Variants in AHNAK observed in about 807,000 individuals in gnomAD.
The protein encoded by AHNAK is AHNAK nucleoprotein, also known as neuroblast differentiation-associated protein AHNAK.
AHNAK carries 23 observed loss-of-function variants against 37.8 expected under a neutral mutation model. The ratio of observed to expected loss-of-function variants is 0.61; its 90% confidence interval spans 0.44 to 0.86. The LOEUF is 0.86. AHNAK is among the 40% of genes least tolerant of loss of function. The probability of loss-of-function intolerance (pLI) is 0.00; values close to 1 mark genes in which losing one functional copy is unlikely to be tolerated. For synonymous variants in AHNAK, 2,481 were observed against 2,636.3 expected (o/e 0.94, Z 1.80); for missense variants, 7,411 against 7,319.4 (o/e 1.01, Z -0.46).
chr11:62,522,162 G>A lies in AHNAK; in HGVS notation c.12255C>T (p.Pro4085=). 1.9e-6 allele frequency: 3 copies of A among 1,613,348 alleles called. No individual in the cohort carries two copies. The highest frequency in any genetic ancestry group is 2.5e-6 in the Non-Finnish European group (3 of 1,179,882). The change falls in exon 5 of 5, where the codon CCC becomes CCT. Residue 4085 remains proline, a synonymous_variant. Transcript: ENST00000378024. ...GEGPEVDVNL[P]KADIDVSGPK... is the part of the protein sequence containing the mutation. ...GTCCTGAGACATCAATGTCAGCTTTGGGCAAATTAACATCCACTTCTGGGC... is the reference window on the plus strand; with the variant it reads ...GTCCTGAGACATCAATGTCAGCTTTAGGCAAATTAACATCCACTTCTGGGC...
At chr11:62,506,518 C>T (rs1310108993) in intron 4 of AHNAK, among the ~76,000 whole-genome samples, 1 of 152,050 alleles carries the variant, frequency 6.6e-6, no homozygotes, top group African/African-American at 2.4e-5. Context: ...AAAATTCCTC[C>T]CTGCAGCCCC....
chr11:62,449,275 C>G (rs891519030), intron 5 of AHNAK, among the ~76,000 whole-genome samples: 1 of 152,204 alleles, frequency 6.6e-6, no homozygotes, highest in Non-Finnish European at 1.5e-5. Context: ...TGGGGCCCTT[C>G]CAGCCTTCAC....
At chr11:62,439,096 T>TC (rs2134776075) in intron 5 of AHNAK, among the ~76,000 whole-genome samples, 1 of 141,850 alleles carries the variant, frequency 7.0e-6, no homozygotes, top group African/African-American at 2.6e-5. Flanking sequence ...CCTATTTTTT[T>TC]TTTTTTTTTT....
intron 5 of AHNAK, among the ~76,000 whole-genome samples, chr11:62,486,245 T>C (rs1254204336): frequency 6.6e-6 from 1 of 151,502 alleles, no homozygotes; most frequent in African/African-American, 2.4e-5. Context: ...GAGGCCGAGG[T>C]GGGTGGATCA....
chr11:62,486,688 T>C (rs1404945620), intron 5 of AHNAK, among the ~76,000 whole-genome samples: 1 of 152,010 alleles, frequency 6.6e-6, no homozygotes, highest in African/African-American at 2.4e-5. Flanking sequence ...AGATGTACTG[T>C]ATACCACTGA....
At chr11:62,446,631 G>T (rs1255380718) in intron 5 of AHNAK, among the ~76,000 whole-genome samples, 4 of 152,000 alleles carry the variant, frequency 2.6e-5, no homozygotes, top group African/African-American at 9.7e-5. Context: ...AAATGAGGGG[G>T]ATCTGTCCTG....
chr11:62,490,994 G>A (rs951867119), intron 5 of AHNAK, among the ~76,000 whole-genome samples: 2 of 152,020 alleles, frequency 1.3e-5, no homozygotes, highest in Non-Finnish European at 2.9e-5. Flanking sequence ...CACTATGTTG[G>A]CTAGGCTGGT....
At chr11:62,461,143 C>CA (rs750135297) in intron 5 of AHNAK, among the ~76,000 whole-genome samples, 2 of 79,838 alleles carry the variant, frequency 2.5e-5, no homozygotes, top group Non-Finnish European at 4.5e-5. Context: ...CCAAATTCCC[C>CA]TTTTTTTTTT....
rs757794377 is a variant in AHNAK at position 62,519,847 on chromosome 11, T to C, written c.14570A>G (p.Asp4857Gly). 2.5e-6 allele frequency: 4 copies of C among 1,614,194 alleles called. No homozygotes were observed. The highest frequency in any genetic ancestry group is 3.4e-6 in the Non-Finnish European group (4 of 1,180,034). Residue 4857 changes from aspartate (D) to glycine (G), a missense_variant, in exon 5 of 5, where the codon GAT becomes GGT. Asp to Gly is a moderately conservative substitution (Grantham distance 94). Coordinates refer to ENST00000378024, the MANE Select transcript of AHNAK (RefSeq NM_001620.3). ...PKISIPDVDLDLKGPKVKGDF... is the reference protein window; with the variant it reads ...PKISIPDVDLGLKGPKVKGDF... ...TCCTTTTACTTTGGGTCCTTTCAAA[T>C]CCAGGTCAACATCAGGTATGGAGAT...
intron 5 of AHNAK, among the ~76,000 whole-genome samples, chr11:62,480,347 C>T (rs921767778): frequency 3.9e-5 from 6 of 152,124 alleles, no homozygotes; most frequent in African/African-American, 1.2e-4. Flanking sequence ...GCTAATCAGG[C>T]AAACCTGAGA....
Position 62,517,127 on chromosome 11 carries a change from G to A in AHNAK, c.17290C>T (p.Pro5764Ser). 6.2e-7 allele frequency: 1 copy of A among 1,613,018 alleles called. No individual in the cohort carries two copies. Among genetic ancestry groups the A allele is most frequent in the Non-Finnish European group, 8.5e-7 (1 of 1,179,842 alleles). ...TTAAATAAGGAGAATTTGCCTTTCG[G>A]TGAAGAGGCTTCGGCCTCTGCCTCT... is the stretch of plus-strand genomic sequence containing the variant. The part of the protein sequence containing the change: ...EGEAEAEASS[P>S]KGKFSLFKSK... Residue 5764 changes from proline to serine, a missense_variant, in exon 5 of 5, where the codon CCG (proline) becomes TCG (serine). By Grantham distance (74) the Pro-to-Ser change is moderately conservative. Coordinates refer to ENST00000378024, the MANE Select transcript of AHNAK (RefSeq NM_001620.3).
At chr11:62,448,591 G>A (rs1938466171) in intron 5 of AHNAK, among the ~76,000 whole-genome samples, 1 of 152,202 alleles carries the variant, frequency 6.6e-6, no homozygotes, top group South Asian at 2.1e-4. Context: ...ACTATTTGTT[G>A]AGATGGAGAA....
intron 5 of AHNAK, among the ~76,000 whole-genome samples, chr11:62,488,820 C>T (rs1939444797): frequency 6.6e-6 from 1 of 152,050 alleles, no homozygotes; most frequent in Admixed American, 6.6e-5. Context: ...AACAGGGATG[C>T]CTGGGCAGCA....
chr11:62,448,986 T>C (rs141764188), intron 5 of AHNAK, among the ~76,000 whole-genome samples: 1 of 152,180 alleles, frequency 6.6e-6, no homozygotes, highest in African/African-American at 2.4e-5. Context: ...GAGAATGGTG[T>C]GAACCCCGGA....
chr11:62,507,059 C>T (rs1939825727), intron 4 of AHNAK, among the ~76,000 whole-genome samples: 1 of 152,028 alleles, frequency 6.6e-6, no homozygotes, highest in South Asian at 2.1e-4. Flanking sequence ...TTTTATTCCC[C>T]GGTCCTTCTG....
Position 62,519,716 on chromosome 11 carries a change from C to A in AHNAK, c.14701G>T (p.Gly4901Cys), listed in dbSNP as rs2134197009. The change falls in exon 5 of 5, where the codon GGC becomes TGC. Residue 4901 changes from glycine to cysteine, a missense_variant. Physicochemically the swap from Gly to Cys is radical, Grantham distance 159 (BLOSUM62 -3). Coordinates refer to ENST00000378024, the MANE Select transcript of AHNAK (RefSeq NM_001620.3). ...AGCGATGGCATCTTCAAAGATGGGCCACTGAGTTTGGCATCAGGGCCTTCG... is the reference window on the plus strand; with the variant it reads ...AGCGATGGCATCTTCAAAGATGGGCAACTGAGTTTGGCATCAGGGCCTTCG... ...DFEGPDAKLS[G>C]PSLKMPSLEI... is the part of the protein sequence containing the mutation. 6.2e-7 allele frequency: 1 copy of A among 1,613,982 alleles called. No individual in the cohort carries two copies. Among genetic ancestry groups the A allele is most frequent in the South Asian group, 1.1e-5 (1 of 91,036 alleles).
At position 62,530,455 on chromosome 11, in the gene AHNAK, G is replaced by T. The variant is rs1940692582; in HGVS notation, c.3962C>A (p.Pro1321His). 1 of 1,613,750 alleles carries T rather than the reference G, an allele frequency of 6.2e-7. No individual in the cohort carries two copies. Among genetic ancestry groups the T allele is most frequent in the South Asian group, 1.1e-5 (1 of 91,074 alleles). ...FKMPEMHFKA[P>H]KISMPDVDLN... ...GTCCACATCAGGCATGGAGATCTTG[G>T]GGGCCTTGAAGTGCATCTCAGGCAT... is the stretch of plus-strand genomic sequence containing the variant. Residue 1321 changes from proline to histidine, a missense_variant, in exon 5 of 5, where the codon CCC becomes CAC. Transcript: ENST00000378024.
At chr11:62,435,995 T>A (rs1938162376) in intron 5 of AHNAK, among the ~76,000 whole-genome samples, 1 of 152,216 alleles carries the variant, frequency 6.6e-6, no homozygotes, top group South Asian at 2.1e-4. Flanking sequence ...AAACAAAGGC[T>A]TTGAGAAGTT....
At chr11:62,470,465 G>T (rs2134846808) in intron 5 of AHNAK, among the ~76,000 whole-genome samples, 1 of 151,492 alleles carries the variant, frequency 6.6e-6, no homozygotes, top group African/African-American at 2.4e-5. Flanking sequence ...AATTAGCTGG[G>T]CGTGGTGACA....
Sources: gnomAD v4.1 joint callset for allele counts (sites outside exome capture counted in the v4.1 genomes callset) on GRCh38, gnomAD v4.1.1 for gene constraint, MANE v1.5 for transcripts, NCBI Gene and HGNC (gene_info 2026-07-23, HGNC 2026-07-21) for gene names.